Variants in ANKS3 observed in about 807,000 individuals in gnomAD.
ANKS3 encodes the protein ankyrin repeat and SAM domain-containing protein 3.
Under a neutral mutation model 80.7 loss-of-function variants are expected in ANKS3, and 62 were observed. The ratio of observed to expected loss-of-function variants is 0.77; its 90% CI spans 0.63 to 0.95. The LOEUF (loss-of-function observed/expected upper bound fraction) is 0.95. Among genes scored for constraint, ANKS3 ranks in the 40% least tolerant of loss-of-function variants. ANKS3 has a pLI of 0.00. For missense variants in ANKS3, 1,150 were observed against 883.6 expected (o/e 1.30, Z -3.82); for synonymous variants, 489 against 355.3 (o/e 1.38, Z -4.23).
At chr16:4,733,373 C>A (rs1393319484) in intron 1 of ANKS3, among the ~76,000 whole-genome samples, 2 of 151,862 alleles carry the variant, frequency 1.3e-5, no homozygotes, top group Admixed American at 1.3e-4. Flanking sequence ...CTCAATGCAA[C>A]CTCCGCCTCC....
At chr16:4,718,412 G>C (rs145930948) in intron 6 of ANKS3, among the ~76,000 whole-genome samples, 78 of 152,354 alleles carry the variant, frequency 5.1e-4, no homozygotes, top group African/African-American at 1.8e-3. Context: ...GGCCCAGACA[G>C]ATCCATATCC....
At chr16:4,724,861 T>C (rs1411422307) in intron 5 of ANKS3, 30 bp from the exon 6 acceptor site, 4 of 1,610,374 alleles carry the variant, frequency 2.5e-6, no homozygotes, top group Non-Finnish European at 8.5e-7. Context: ...GTCAGATGAT[T>C]GGAAGAGACA....
intron 7 of ANKS3, among the ~76,000 whole-genome samples, chr16:4,710,753 A>T (rs1022413718): frequency 1.3e-5 from 2 of 152,208 alleles, no homozygotes; most frequent in Non-Finnish European, 2.9e-5. Context: ...AGATAATAAC[A>T]GGAGAAAATA....
rs745606706 is a variant in ANKS3, at chr16:4,702,245, G to A, written c.869-3C>T. 26 of 1,558,496 alleles carry A rather than the reference G, an allele frequency of 1.7e-5. No homozygotes were observed. The highest frequency in any genetic ancestry group is 2.1e-5 in the Non-Finnish European group (24 of 1,153,726). On this transcript the variant is annotated splice_region_variant and splice_polypyrimidine_tract_variant and intron_variant, in intron 8 of 17. Transcript: ENST00000304283. ...ATAGCCACGGGGAGGAGCCTGCTCT[G>A]TGTACAGAATGGGGCCCATAAGCCC... is the stretch of plus-strand genomic sequence containing the variant.
chr16:4,697,235 G>A (rs560517716), intron 16 of ANKS3, 98 bp downstream of exon 16: 7 of 1,543,056 alleles, frequency 4.5e-6, no homozygotes, highest in Admixed American at 1.7e-5. Context: ...GTCAGCCTTG[G>A]GGTAGAGAGA....
intron 6 of ANKS3, chr16:4,717,534 G>C (rs1164527473): frequency 1.3e-5 from 2 of 152,072 alleles, no homozygotes; most frequent in Non-Finnish European, 2.9e-5. Context: ...TCCAGCCTGG[G>C]CGACAGAGGG....
At position 4,709,149 on chromosome 16, in the gene ANKS3, G is replaced by T. The variant is rs1034014592; in HGVS notation, c.710-3896C>A. Among the ~76,000 whole-genome samples the T allele has an allele frequency of 2.6e-5, 4 of 151,816 alleles. No homozygotes were observed. The East Asian group carries it at 7.7e-4, about 29-fold the overall frequency. ...TTGCCGGGTGCAGCGGTTCATGCCT[G>T]TAATCCCAGCACTTTGGGAGGCCGA... is the stretch of plus-strand genomic sequence containing the variant. On this transcript the variant is annotated intron_variant, in intron 7 of 17. Coordinates refer to ENST00000304283, the MANE Select transcript of ANKS3 (RefSeq NM_133450.4).
At chr16:4,726,628 C>G in intron 5 of ANKS3, 31 bp downstream of exon 5, 2 of 1,608,498 alleles carry the variant, frequency 1.2e-6, no homozygotes, top group Non-Finnish European at 1.7e-6. Context: ...ACCTAGGCCA[C>G]TCCTGTGGCC....
chr16:4,701,659 T>A (rs975880810), intron 9 of ANKS3, 116 bp from the exon 10 acceptor site: 34 of 820,692 alleles, frequency 4.1e-5, no homozygotes, highest in East Asian at 5.4e-5. Flanking sequence ...CAGCGGTTGC[T>A]TCCTTATATT....
chr16:4,701,900 G>A, intron 9 of ANKS3: 2 of 616,848 alleles, frequency 3.2e-6, no homozygotes, highest in Non-Finnish European at 5.2e-6. Context: ...CTGTGGAACG[G>A]CTCCCTTAAG....
rs1387325245 is a variant in ANKS3, at chr16:4,697,372, CG to C, written c.1854del (p.Glu619SerfsTer19). On this transcript the variant is annotated frameshift_variant, in exon 16 of 18. Coordinates refer to ENST00000304283, the MANE Select transcript of ANKS3 (RefSeq NM_133450.4). LOFTEE classifies it high-confidence loss of function. ...CGGTCCTCCAGGGCTCCCGAGAGCT[CG>C]GGGAGGCTCATGGCCTGCAGGGACG... Reference protein sequence around the residue: ...WQASLQAMSLPELSGALEDRV... With the variant: ...WQASLQAMSLXELSGALEDRV... 9.3e-6 allele frequency: 15 copies of C among 1,610,242 alleles called. No individual in the cohort carries two copies. Among genetic ancestry groups the C allele is most frequent in the Non-Finnish European group, 2.5e-6 (3 of 1,178,312 alleles).
chr16:4,701,935 G>T, intron 9 of ANKS3, 167 bp downstream of exon 9: 1 of 839,618 alleles, frequency 1.2e-6, no homozygotes, highest in Non-Finnish European at 1.8e-6. Flanking sequence ...TGGACCAGAA[G>T]CTTCTCCCAT....
chr16:4,725,776 C>T (rs1173244045), intron 5 of ANKS3, among the ~76,000 whole-genome samples: 1 of 152,180 alleles, frequency 6.6e-6, no homozygotes, highest in Non-Finnish European at 1.5e-5. Flanking sequence ...TCTCCCGCCT[C>T]AGACTCCCGA....
intron 6 of ANKS3, among the ~76,000 whole-genome samples, chr16:4,716,889 TCGA>T (rs1484154830): frequency 6.6e-6 from 1 of 151,798 alleles, no homozygotes; most frequent in African/African-American, 2.4e-5. Flanking sequence ...CACTACAGCC[TCGA>T]CGACAGACTG....
intron 6 of ANKS3, among the ~76,000 whole-genome samples, chr16:4,716,653 C>G (rs1349379262): frequency 1.3e-5 from 2 of 152,186 alleles, no homozygotes; most frequent in African/African-American, 4.8e-5. Context: ...CACAGTGGCT[C>G]ACGCCTGTAA....
chr16:4,713,920 C>G lies in ANKS3; in HGVS notation c.709+131G>C, dbSNP rs1315460458. 9.3e-6 allele frequency: 12 copies of G among 1,289,190 alleles called. No homozygotes were observed. In the African/African-American group the frequency reaches 1.2e-4, roughly 13 times the overall value. The allele number at this position is 1,289,190 out of a possible 1,614,324, so 79.9% of individuals were successfully genotyped here. Reference sequence around the variant, plus strand: ...GGCCTCAACCTTGACATGTAAGCAGCTGGGGGAGGCAGAGCCAAATCTCAG... The same window carrying G: ...GGCCTCAACCTTGACATGTAAGCAGGTGGGGGAGGCAGAGCCAAATCTCAG... On this transcript the variant is annotated intron_variant, in intron 7 of 17. Transcript: ENST00000304283.
intron 6 of ANKS3, among the ~76,000 whole-genome samples, chr16:4,722,406 T>C (rs543356932): frequency 7.9e-5 from 12 of 151,746 alleles, no homozygotes; most frequent in East Asian, 7.8e-4. Flanking sequence ...CGGTGAAACC[T>C]TGTCTCTACT....
chr16:4,716,601 C>T (rs1028028631), intron 6 of ANKS3, among the ~76,000 whole-genome samples: 20 of 151,968 alleles, frequency 1.3e-4, no homozygotes, highest in African/African-American at 4.4e-4. Flanking sequence ...TTAAAAATTA[C>T]CTATGAGACT....
At chr16:4,727,727 C>A in intron 3 of ANKS3, 1 of 154,862 alleles carries the variant, frequency 6.5e-6, no homozygotes, top group Non-Finnish European at 1.4e-5. Context: ...AGTCCCACCG[C>A]CACTGATTCA....
Sources: allele counts gnomAD v4.1 joint callset (sites outside exome capture counted in the v4.1 genomes callset), GRCh38; gene constraint gnomAD v4.1.1; transcripts MANE v1.5; gene names NCBI Gene and HGNC (gene_info 2026-07-23, HGNC 2026-07-21).